The following CNST variants were observed in gnomAD, a reference collection of about 807,000 sequenced individuals.
CNST encodes the protein consortin.
A neutral mutation model predicts 72.4 loss-of-function variants in CNST; 39 were observed. The ratio of observed to expected loss-of-function variants is 0.54; its 90% CI spans 0.42 to 0.70. The LOEUF is 0.70. Among genes scored for constraint, CNST ranks in the 30% least tolerant of loss-of-function variants. The pLI is 0.00. For missense variants in CNST, 871 were observed against 868.5 expected, an observed-to-expected ratio of 1.00 and a Z score of -0.04; for synonymous variants, 332 against 320.1, an observed-to-expected ratio of 1.04 and a Z score of -0.40.
At chr1:246,605,933 G>C (rs1275010458) in intron 2 of CNST, 1 of 152,068 alleles carries the variant, frequency 6.6e-6, no homozygotes, top group African/African-American at 2.4e-5. Context: ...CTTGGGACTG[G>C]GTCTGAGGAG....
intron 2 of CNST, among the ~76,000 whole-genome samples, chr1:246,595,009 G>A (rs1185144147): frequency 6.6e-6 from 1 of 152,136 alleles, no homozygotes; most frequent in Admixed American, 6.5e-5. Flanking sequence ...TGCATCTATA[G>A]AGTTTTTATA....
At chr1:246,623,827 C>G (rs772129831) in intron 3 of CNST, among the ~76,000 whole-genome samples, 1 of 145,994 alleles carries the variant, frequency 6.8e-6, no homozygotes, top group Non-Finnish European at 1.5e-5. Context: ...TCTGGGAGGT[C>G]GAGGCAGGCA....
rs1188830800 is a variant in CNST at position 246,667,161 on chromosome 1, A to G, written c.*1256A>G. ...AACAAAGAAAAACCAAACATGAATT[A>G]TAGTTTTTAACAAGTGATCTTTATT... On this transcript the variant is annotated 3_prime_UTR_variant, in exon 11 of 11. Transcript: ENST00000366513. 2 of 152,060 alleles carry G rather than the reference A, an allele frequency of 1.3e-5. No individual in the cohort carries two copies. The highest frequency in any genetic ancestry group is 4.8e-5 in the African/African-American group (2 of 41,410). The allele number at this position is 152,060 out of a possible 1,614,324, so 9.4% of individuals were successfully genotyped here.
At chr1:246,656,486 T>C (rs1558597433) in intron 9 of CNST, among the ~76,000 whole-genome samples, 2 of 152,202 alleles carry the variant, frequency 1.3e-5, no homozygotes, top group African/African-American at 4.8e-5. Context: ...GCTCAGACAT[T>C]CTTTTTGGTC....
intron 2 of CNST, among the ~76,000 whole-genome samples, chr1:246,593,978 C>T (rs1661715399): frequency 6.6e-6 from 1 of 151,984 alleles, no homozygotes; most frequent in South Asian, 2.1e-4. Context: ...GCACTGTTGC[C>T]CAGGCTGATC....
intron 2 of CNST, among the ~76,000 whole-genome samples, 159 bp downstream of exon 2, chr1:246,592,100 C>T (rs142612634): frequency 1.3e-5 from 2 of 152,304 alleles, no homozygotes; most frequent in African/African-American, 4.8e-5. Context: ...GCATGATATT[C>T]CAGTGTGATA....
intron 9 of CNST, among the ~76,000 whole-genome samples, chr1:246,658,384 C>T (rs1666882830): frequency 2.0e-5 from 3 of 152,154 alleles, no homozygotes; most frequent in African/African-American, 7.2e-5. Context: ...ATTTCAAGGC[C>T]ACTAAAGTAC....
chr1:246,652,506 T>G (rs1666504230), intron 9 of CNST, among the ~76,000 whole-genome samples: 1 of 152,222 alleles, frequency 6.6e-6, no homozygotes. Context: ...GTGAGCAGAT[T>G]TTAGCAACAT....
At chr1:246,582,940 C>T (rs2103014075) in intron 1 of CNST, among the ~76,000 whole-genome samples, 1 of 152,290 alleles carries the variant, frequency 6.6e-6, no homozygotes, top group South Asian at 2.1e-4. Context: ...TGCCTGGGGC[C>T]AGCACTCATT....
At chr1:246,660,828 A>C (rs1254052121) in intron 10 of CNST, among the ~76,000 whole-genome samples, 2 of 152,202 alleles carry the variant, frequency 1.3e-5, no homozygotes, top group African/African-American at 4.8e-5. Context: ...ATCATTTCTA[A>C]ATCTTTACTT....
intron 1 of CNST, among the ~76,000 whole-genome samples, chr1:246,590,405 A>G (rs1343473813): frequency 1.3e-5 from 2 of 152,040 alleles, no homozygotes; most frequent in African/African-American, 4.8e-5. Context: ...TCGTCTGGCT[A>G]TTTATCTTAC....
chr1:246,647,329 G>A lies in CNST; in HGVS notation c.1128G>A (p.Gln376=), dbSNP rs145405036. 1.8e-4 allele frequency: 295 copies of A among 1,614,062 alleles called. No individual in the cohort carries two copies. The highest frequency in any genetic ancestry group is 2.4e-4 in the Non-Finnish European group (286 of 1,180,048). The part of the protein sequence containing the change: ...SAEATLALHT[Q]SSETAGSPSG... ...AAGCCACGTTAGCGCTCCACACCCAGTCCTCCGAGACAGCAGGGAGCCCGT... is the reference window on the plus strand; with the variant it reads ...AAGCCACGTTAGCGCTCCACACCCAATCCTCCGAGACAGCAGGGAGCCCGT... Residue 376 remains glutamine, a synonymous_variant, in exon 9 of 11, where the codon CAG becomes CAA. Coordinates refer to ENST00000366513, the MANE Select transcript of CNST (RefSeq NM_152609.3).
chr1:246,622,394 A>T (rs1245214013), intron 3 of CNST, among the ~76,000 whole-genome samples: 3 of 152,198 alleles, frequency 2.0e-5, no homozygotes, highest in Non-Finnish European at 4.4e-5. Flanking sequence ...AAAATGAGTG[A>T]TTCATTCTGC....
At chr1:246,659,713 A>G (rs979293220) in intron 9 of CNST, among the ~76,000 whole-genome samples, 1 of 152,238 alleles carries the variant, frequency 6.6e-6, no homozygotes, top group Non-Finnish European at 1.5e-5. Context: ...GAAACTGAGG[A>G]CAACACTTTA....
At chr1:246,601,325 A>G (rs1662276696) in intron 2 of CNST, among the ~76,000 whole-genome samples, 1 of 152,044 alleles carries the variant, frequency 6.6e-6, no homozygotes, top group Non-Finnish European at 1.5e-5. Flanking sequence ...AAACAAAACA[A>G]TACAAAACAA....
At chr1:246,665,421 G>T (rs1045879795) in intron 10 of CNST, among the ~76,000 whole-genome samples, 3 of 152,204 alleles carry the variant, frequency 2.0e-5, no homozygotes. Flanking sequence ...CTATGAGCAC[G>T]TGAGCTGTTT....
At chr1:246,645,689 A>G (rs1666018887) in intron 8 of CNST, among the ~76,000 whole-genome samples, 1 of 151,494 alleles carries the variant, frequency 6.6e-6, no homozygotes, top group Non-Finnish European at 1.5e-5. Context: ...GGCCTCCCAA[A>G]GTGCTGGGAT....
intron 1 of CNST, among the ~76,000 whole-genome samples, chr1:246,579,620 T>A (rs1444081578): frequency 3.9e-5 from 6 of 152,008 alleles, no homozygotes; most frequent in Admixed American, 3.9e-4. Context: ...AATGCAAAAA[T>A]GGTGGGCACC....
At chr1:246,579,101 GATTT>G (rs1660627726) in intron 1 of CNST, among the ~76,000 whole-genome samples, 1 of 152,156 alleles carries the variant, frequency 6.6e-6, no homozygotes, top group African/African-American at 2.4e-5. Flanking sequence ...TCTATAAAGT[GATTT>G]ATTTGAGCTT....
Sources: allele counts gnomAD v4.1 joint callset (sites outside exome capture counted in the v4.1 genomes callset), GRCh38; gene constraint gnomAD v4.1.1; transcripts MANE v1.5; gene names NCBI Gene and HGNC (gene_info 2026-07-23, HGNC 2026-07-21).